Variants in SH3PXD2B observed in about 807,000 individuals in gnomAD.
The protein encoded by SH3PXD2B is SH3 and PX domains 2B.
Under a neutral mutation model 73.1 loss-of-function variants are expected in SH3PXD2B, and 37 were observed. The ratio of observed to expected loss-of-function variants is 0.51; its 90% CI spans 0.39 to 0.67. The LOEUF (loss-of-function observed/expected upper bound fraction) is 0.67, where lower values mean the gene tolerates loss of function less well. Among genes scored for constraint, SH3PXD2B ranks in the 30% least tolerant of loss-of-function variants. The pLI, the probability that SH3PXD2B is intolerant of heterozygous loss-of-function variation, is 0.00. For missense variants in SH3PXD2B, 1,053 were observed against 1,197.8 expected, an observed-to-expected ratio of 0.88 and a Z score of 1.78; for synonymous variants, 457 against 480.5, an observed-to-expected ratio of 0.95 and a Z score of 0.64.
chr5:172,384,828 TCTG>T (rs1293712141), intron 4 of SH3PXD2B, among the ~76,000 whole-genome samples: 1 of 152,166 alleles, frequency 6.6e-6, no homozygotes, highest in Non-Finnish European at 1.5e-5. Context: ...CGAGCTGCAA[TCTG>T]CTCCAGACTC....
chr5:172,342,431 G>A (rs1430160029), intron 12 of SH3PXD2B, among the ~76,000 whole-genome samples: 1 of 152,132 alleles, frequency 6.6e-6, no homozygotes, highest in Non-Finnish European at 1.5e-5. Context: ...AAGGCAGCGG[G>A]GTGGGCTTCA....
chr5:172,454,079 G>C (rs1181872431), intron 1 of SH3PXD2B, among the ~76,000 whole-genome samples, 199 bp downstream of exon 1: 2 of 146,470 alleles, frequency 1.4e-5, no homozygotes, highest in East Asian at 2.1e-4. Context: ...GGGGGAGAAC[G>C]AGGCAAAAGC....
downstream of SH3PXD2B, among the ~76,000 whole-genome samples, chr5:172,332,416 G>A (rs1319435692): frequency 8.7e-6 from 1 of 114,334 alleles, no homozygotes; most frequent in Non-Finnish European, 1.9e-5. Context: ...ACCACACCTG[G>A]CTACTTTTTT....
intron 7 of SH3PXD2B, among the ~76,000 whole-genome samples, chr5:172,361,504 C>A (rs114688771): frequency 6.6e-6 from 1 of 152,158 alleles, no homozygotes; most frequent in Admixed American, 6.5e-5. Flanking sequence ...ACACTTCTTC[C>A]CAGTCACCCA....
intron 2 of SH3PXD2B, among the ~76,000 whole-genome samples, chr5:172,408,353 A>C (rs1399204507): frequency 6.6e-6 from 1 of 151,240 alleles, no homozygotes; most frequent in African/African-American, 2.4e-5. Context: ...CTGCAGCCTC[A>C]ATCTCCCTGG....
At chr5:172,378,526 T>G (rs922975831) in intron 5 of SH3PXD2B, among the ~76,000 whole-genome samples, 1 of 152,148 alleles carries the variant, frequency 6.6e-6, no homozygotes, top group East Asian at 1.9e-4. Context: ...TAGAAGAAAA[T>G]CTGGCTATCA....
At chr5:172,420,993 G>A (rs1006917710) in intron 2 of SH3PXD2B, among the ~76,000 whole-genome samples, 9 of 152,094 alleles carry the variant, frequency 5.9e-5, no homozygotes, top group South Asian at 2.1e-4. Context: ...AGTTACATCC[G>A]CGAAAAAACC....
intron 12 of SH3PXD2B, among the ~76,000 whole-genome samples, chr5:172,327,892 T>A (rs1357265847): frequency 1.3e-5 from 2 of 151,026 alleles, no homozygotes; most frequent in Non-Finnish European, 3.0e-5. Flanking sequence ...GTAGCTGGGA[T>A]TACAAGCATG....
At chr5:172,326,601 A>G (rs1756450837) in intron 12 of SH3PXD2B, among the ~76,000 whole-genome samples, 1 of 152,218 alleles carries the variant, frequency 6.6e-6, no homozygotes, top group Non-Finnish European at 1.5e-5. Context: ...TTTGAGAAAA[A>G]TAATAAAATA....
rs28620195 is a variant in SH3PXD2B at position 172,336,242 on chromosome 5, T to G, written c.*2127A>C. The G allele has an allele frequency of 3.6e-3, 3,530 of 985,498 alleles. 116 individuals are homozygous for G. In the African/African-American group the frequency reaches 0.056, roughly 16 times the overall value. 61.0% of individuals were successfully genotyped at this position (985,498 alleles called of 1,614,324 possible). A position where few individuals can be genotyped will look rare whatever the true frequency, so the allele number is the denominator to read the frequency against. The stretch of plus-strand genomic sequence containing the variant: ...TTTTGAAATGCAGTCAAATCTCACA[T>G]AGCTTCACAAAAGTTGTTTAAACCA... On this transcript the variant is annotated 3_prime_UTR_variant, in exon 13 of 13. Transcript: ENST00000311601.
At chr5:172,406,101 T>C (rs549196145) in intron 3 of SH3PXD2B, among the ~76,000 whole-genome samples, 176 bp downstream of exon 3, 2 of 152,300 alleles carry the variant, frequency 1.3e-5, no homozygotes, top group Admixed American at 1.3e-4. Flanking sequence ...CATGTAAAAA[T>C]ACAAAAAATT....
intron 1 of SH3PXD2B, among the ~76,000 whole-genome samples, chr5:172,439,692 G>GCGCGCACACA (rs1554087696): frequency 6.5e-5 from 9 of 138,622 alleles, no homozygotes; most frequent in African/African-American, 2.5e-4. Flanking sequence ...GCACGCGCGC[G>GCGCGCACACA]CACACACACA....
intron 12 of SH3PXD2B, 55 bp downstream of exon 12, chr5:172,346,081 G>A (rs1161828311): frequency 1.1e-5 from 17 of 1,612,694 alleles, no homozygotes; most frequent in South Asian, 1.1e-5. Context: ...GAAGTAGGAG[G>A]TGATGCCTGG....
intron 6 of SH3PXD2B, among the ~76,000 whole-genome samples, chr5:172,365,591 G>A (rs542976022): frequency 7.6e-6 from 1 of 132,270 alleles, no homozygotes; most frequent in Admixed American, 7.6e-5. Context: ...CACTTCCCCC[G>A]AGGTCAGGTG....
At chr5:172,388,725 G>T (rs912607678) in intron 4 of SH3PXD2B, among the ~76,000 whole-genome samples, 18 of 152,244 alleles carry the variant, frequency 1.2e-4, no homozygotes, top group African/African-American at 4.3e-4. Context: ...AGCAGAATAG[G>T]CTGATTTGGG....
rs1472025691 is a variant in SH3PXD2B, at chr5:172,333,544, A to ATTT, written c.*4824_*4825insAAA. On this transcript the variant is annotated 3_prime_UTR_variant, in exon 13 of 13. Coordinates refer to ENST00000311601, the MANE Select transcript of SH3PXD2B (RefSeq NM_001017995.3). ...CAGTCAAGCACTTTTTTTATTTAAA[A>ATTT]AAAAAAAAAGGAAAGAAGTCAAATG... is the stretch of plus-strand genomic sequence containing the variant. 8.3e-4 allele frequency: 964 copies of ATTT among 1,157,780 alleles called. 13 individuals carry two copies. In the African/African-American group the frequency reaches 0.016, roughly 19 times the overall value. 71.7% of individuals were successfully genotyped at this position (1,157,780 alleles called of 1,614,324 possible). A position where few individuals can be genotyped will look rare whatever the true frequency, so the allele number is the denominator to read the frequency against.
At chr5:172,419,700 T>C (rs1167669841) in intron 2 of SH3PXD2B, among the ~76,000 whole-genome samples, 1 of 152,156 alleles carries the variant, frequency 6.6e-6, no homozygotes, top group Non-Finnish European at 1.5e-5. Flanking sequence ...GGGAACAATA[T>C]ATCCAACCCC....
Position 172,335,088 on chromosome 5 carries a change from G to A in SH3PXD2B, c.*3281C>T, listed in dbSNP as rs887334385. 22 of 985,460 alleles carry A rather than the reference G, an allele frequency of 2.2e-5. No homozygotes were observed. Among genetic ancestry groups the A allele is most frequent in the East Asian group, 1.1e-4 (1 of 8,836 alleles). The allele number at this position is 985,460 out of a possible 1,614,324, so 61.0% of individuals were successfully genotyped here. A position where few individuals can be genotyped will look rare whatever the true frequency, so the allele number is the denominator to read the frequency against. On this transcript the variant is annotated 3_prime_UTR_variant, in exon 13 of 13. Transcript: ENST00000311601. ...CCCACCAATGGCAAAGAAAGATTCC[G>A]AGCAGAACATGTGAGCAAAGGCCTC...
chr5:172,342,963 C>A (rs1756892618), intron 12 of SH3PXD2B, among the ~76,000 whole-genome samples: 1 of 152,200 alleles, frequency 6.6e-6, no homozygotes, highest in South Asian at 2.1e-4. Context: ...GCCTGAGTGG[C>A]CTGGGGCAAG....
Sources: allele counts gnomAD v4.1 joint callset (sites outside exome capture counted in the v4.1 genomes callset), GRCh38; gene constraint gnomAD v4.1.1; transcripts MANE v1.5; gene names NCBI Gene and HGNC (gene_info 2026-07-23, HGNC 2026-07-21).